HNF4G: variants seen among roughly 807,000 people sequenced by gnomAD.
HNF4G encodes hepatocyte nuclear factor 4 gamma, also known as hepatocyte nuclear factor 4-gamma.
HNF4G carries 21 observed loss-of-function variants against 50.9 expected under a neutral mutation model. That is an observed-to-expected ratio of 0.41 (90% CI 0.29 to 0.59). The LOEUF is 0.59. HNF4G is among the 20% of genes least tolerant of loss of function. HNF4G has a pLI of 0.26. For synonymous variants in HNF4G, 198 were observed against 185.6 expected (o/e 1.07, Z -0.54); for missense variants, 527 against 559.4 (o/e 0.94, Z 0.58).
chr8:75,429,918 G>A (rs1023669068), intron 1 of HNF4G, among the ~76,000 whole-genome samples: 8 of 152,068 alleles, frequency 5.3e-5, no homozygotes, highest in African/African-American at 1.2e-4. Context: ...TTGGGAGGCC[G>A]AGGCCAGCGG....
intron 1 of HNF4G, among the ~76,000 whole-genome samples, chr8:75,408,322 G>T (rs929401032): frequency 6.6e-6 from 1 of 152,124 alleles, no homozygotes; most frequent in Admixed American, 6.5e-5. Context: ...TGGCTGTAGC[G>T]GGTCATGTGA....
exon 2 of HNF4G, chr8:75,490,208 T>C (rs1223439148): frequency 6.6e-6 from 1 of 152,626 alleles, no homozygotes; most frequent in Non-Finnish European, 1.5e-5. Flanking sequence ...ACCACAGCCT[T>C]GTAAGTGGTG....
At chr8:75,542,871 A>G (rs557083585) in intron 1 of HNF4G, among the ~76,000 whole-genome samples, 38 of 152,286 alleles carry the variant, frequency 2.5e-4, no homozygotes, top group Non-Finnish European at 4.0e-4. Flanking sequence ...AAGGATGTCC[A>G]TAGTGAAAAG....
intron 1 of HNF4G, among the ~76,000 whole-genome samples, chr8:75,433,217 C>T (rs1403887752): frequency 6.6e-6 from 1 of 151,948 alleles, no homozygotes; most frequent in East Asian, 1.9e-4. Flanking sequence ...GCCTGGTCAA[C>T]ATAGAAAGAC....
intron 2 of HNF4G, among the ~76,000 whole-genome samples, chr8:75,524,265 A>G (rs1211530270): frequency 6.6e-6 from 1 of 152,200 alleles, no homozygotes; most frequent in African/African-American, 2.4e-5. Flanking sequence ...AAGATATATG[A>G]ATAACTACGC....
rs1454079207 is a variant in HNF4G, at chr8:75,539,918, G to A, written c.-45G>A. The A allele has an allele frequency of 4.7e-6, 4 of 855,228 alleles. No individual in the cohort carries two copies. Among genetic ancestry groups the A allele is most frequent in the Admixed American group, 1.8e-5 (1 of 55,910 alleles). The allele number at this position is 855,228 out of a possible 1,614,324, so 53.0% of individuals were successfully genotyped here. A position where few individuals can be genotyped will look rare whatever the true frequency, so the allele number is the denominator to read the frequency against. ...CAAAACACATCAAAACACTCATCAC[G>A]CACTCTGGGCTTGTGGTGCCACTTG... On this transcript the variant is annotated 5_prime_UTR_variant, in exon 1 of 10. Transcript: ENST00000396423.
At chr8:75,427,514 T>C (rs1410156476) in intron 1 of HNF4G, among the ~76,000 whole-genome samples, 1 of 151,650 alleles carries the variant, frequency 6.6e-6, no homozygotes, top group South Asian at 2.1e-4. Flanking sequence ...GAGGTGGAGG[T>C]TGCAGTGAGC....
intron 2 of HNF4G, among the ~76,000 whole-genome samples, chr8:75,525,893 T>A (rs1006563603): frequency 1.3e-5 from 2 of 152,008 alleles, no homozygotes; most frequent in Admixed American, 6.6e-5. Context: ...ATTTATGAGG[T>A]GGATGAGGAA....
intron 1 of HNF4G, among the ~76,000 whole-genome samples, chr8:75,478,950 G>C (rs951418793): frequency 2.0e-5 from 3 of 152,098 alleles, no homozygotes; most frequent in Non-Finnish European, 4.4e-5. Context: ...TCGAACTCCC[G>C]ACCTCAGGTG....
chr8:75,414,106 A>G (rs1262261377), intron 1 of HNF4G, among the ~76,000 whole-genome samples: 1 of 152,142 alleles, frequency 6.6e-6, no homozygotes, highest in Non-Finnish European at 1.5e-5. Context: ...AACCATTACC[A>G]CAATGAAGAC....
At chr8:75,410,097 A>G (rs1181062557) in intron 1 of HNF4G, among the ~76,000 whole-genome samples, 3 of 152,188 alleles carry the variant, frequency 2.0e-5, no homozygotes, top group African/African-American at 7.2e-5. Context: ...TGTCTACCCA[A>G]TGTAACCAGC....
intron 1 of HNF4G, among the ~76,000 whole-genome samples, chr8:75,415,219 GTTGT>G (rs1378440464): frequency 1.3e-5 from 2 of 151,814 alleles, no homozygotes; most frequent in African/African-American, 2.4e-5. Context: ...TAAAAACTGA[GTTGT>G]TTGTTTTTTT....
intron 1 of HNF4G, among the ~76,000 whole-genome samples, chr8:75,488,732 G>A (rs1812551739): frequency 6.6e-6 from 1 of 152,098 alleles, no homozygotes; most frequent in South Asian, 2.1e-4. Context: ...GCCATTCTTA[G>A]TAGCCTTTAT....
intron 5 of HNF4G, among the ~76,000 whole-genome samples, chr8:75,553,658 T>C (rs1807033076): frequency 6.6e-6 from 1 of 152,120 alleles, no homozygotes; most frequent in Non-Finnish European, 1.5e-5. Flanking sequence ...TCTTGGTGGG[T>C]ACTTCATGCA....
chr8:75,447,719 A>G (rs1372290442), intron 1 of HNF4G, among the ~76,000 whole-genome samples: 1 of 151,314 alleles, frequency 6.6e-6, no homozygotes, highest in Non-Finnish European at 1.5e-5. Flanking sequence ...AATGCAAATC[A>G]AAACCACTAT....
intron 1 of HNF4G, among the ~76,000 whole-genome samples, chr8:75,443,129 C>A (rs780203267): frequency 3.9e-4 from 60 of 152,270 alleles, no homozygotes; most frequent in Non-Finnish European, 7.8e-4. Context: ...GTCTCTTCTA[C>A]CATGTGAGGG....
intron 1 of HNF4G, among the ~76,000 whole-genome samples, chr8:75,449,590 T>G (rs1273963032): frequency 6.8e-6 from 1 of 147,874 alleles, no homozygotes; most frequent in African/African-American, 2.5e-5. Flanking sequence ...CACTGCAAGC[T>G]CCGCCTCCAG....
At chr8:75,469,447 T>A (rs932124981) in intron 1 of HNF4G, among the ~76,000 whole-genome samples, 2 of 152,224 alleles carry the variant, frequency 1.3e-5, no homozygotes, top group Non-Finnish European at 2.9e-5. Flanking sequence ...AATTTTTTGT[T>A]TGTTTTGCCA....
upstream of HNF4G, among the ~76,000 whole-genome samples, chr8:75,536,838 T>G (rs1232318718): frequency 6.6e-6 from 1 of 152,112 alleles, no homozygotes; most frequent in Non-Finnish European, 1.5e-5. Flanking sequence ...TTTTTTTTCT[T>G]TCTCATCCAC....
Sources: gnomAD v4.1 joint callset for allele counts (sites outside exome capture counted in the v4.1 genomes callset) on GRCh38, gnomAD v4.1.1 for gene constraint, MANE v1.5 for transcripts, NCBI Gene and HGNC (gene_info 2026-07-23, HGNC 2026-07-21) for gene names.